Variants in TIE1 observed in about 807,000 individuals in gnomAD.
The protein encoded by TIE1 is tyrosine kinase with immunoglobulin like and EGF like domains 1.
In TIE1, 89 loss-of-function variants were observed where a neutral mutation model predicts 130.5. That is an observed-to-expected ratio of 0.68 (90% CI 0.57 to 0.81). The LOEUF (loss-of-function observed/expected upper bound fraction) is 0.81, where lower values mean the gene tolerates loss of function less well. Ranked by LOEUF, TIE1 falls within the 40% of genes least tolerant of loss-of-function variation. The pLI is 0.00. For synonymous variants in TIE1, 568 were observed against 629.4 expected (o/e 0.90, Z 1.46); for missense variants, 1,392 against 1,559.8 (o/e 0.89, Z 1.81).
chr1:43,305,595 A>G (rs562724712), intron 3 of TIE1, among the ~76,000 whole-genome samples: 2 of 152,174 alleles, frequency 1.3e-5, no homozygotes, highest in Non-Finnish European at 2.9e-5. Flanking sequence ...GCCCCAAATG[A>G]GCACGATGTT....
Position 43,319,250 on chromosome 1 carries a change from C to T in TIE1, c.2938C>T (p.Leu980=), listed in dbSNP as rs1475631410. 9 of 1,613,964 alleles carry T rather than the reference C, an allele frequency of 5.6e-6. No homozygotes were observed. Among genetic ancestry groups the T allele is most frequent in the Non-Finnish European group, 7.6e-6 (9 of 1,179,986 alleles). Residue 980 remains leucine (L), a synonymous_variant, in exon 18 of 23, where the codon CTG becomes TTG. Transcript: ENST00000372476. This position sits in a 1 kb window ranked among gnomAD's most constrained non-coding sequence, Gnocchi z 4.7. The part of the protein sequence containing the change: ...LSEKQFIHRD[L]AARNVLVGEN... ...CTGCCTACAGTTCATCCACAGGGAC[C>T]TGGCTGCCCGGAATGTGCTGGTCGG...
intron 14 of TIE1, chr1:43,314,414 T>C: frequency 1.8e-6 from 2 of 1,108,974 alleles, no homozygotes; most frequent in Non-Finnish European, 2.2e-6. Context: ...AGCCTCTGTC[T>C]GCACACATCT....
intron 19 of TIE1, 138 bp from the exon 20 acceptor site, chr1:43,321,131 C>T: frequency 3.4e-6 from 3 of 872,672 alleles, no homozygotes; most frequent in East Asian, 2.4e-5. Context: ...GCAGAGACAA[C>T]AGCTGGCCAA....
In TIE1 at chr1:43,307,447, G is replaced by C. The variant is rs755813901; in HGVS notation, c.788G>C (p.Arg263Pro). The C allele has an allele frequency of 6.2e-7, 1 of 1,614,134 alleles. No homozygotes were observed. The highest frequency in any genetic ancestry group is 1.7e-5 in the Admixed American group (1 of 60,030). ...CTCTTTCTAGCCTGCAGAGAGGGCC[G>C]TTTTGGGCAGAGCTGCCAGGAGCAG... ...TRCEQACREG[R>P]FGQSCQEQCP... The change falls in exon 6 of 23, where the codon CGT (arginine) becomes CCT (proline). Residue 263 changes from arginine to proline, a missense_variant. Transcript: ENST00000372476. This position sits in a 1 kb window ranked among gnomAD's most constrained non-coding sequence, Gnocchi z 5.4.
rs561721222 is a variant in TIE1, at chr1:43,304,937, G to T, written c.145G>T (p.Gly49Trp). 5.6e-5 allele frequency: 81 copies of T among 1,444,398 alleles called. No individual in the cohort carries two copies. In the South Asian group the frequency reaches 1.1e-3, roughly 20 times the overall value. The allele number at this position is 1,444,398 out of a possible 1,614,324, so 89.5% of individuals were successfully genotyped here. The stretch of plus-strand genomic sequence containing the variant: ...CCTGACTTGCGTGTCTGGGGAGGCC[G>T]GGGCGGGGAGGGGCTCGGACGCCTG... ...FFLTCVSGEA[G>W]AGRGSDAWGP... Residue 49 changes from glycine to tryptophan, a missense_variant, in exon 2 of 23, where the codon GGG becomes TGG. Physicochemically the swap from Gly to Trp is radical, Grantham distance 184. Coordinates refer to ENST00000372476, the MANE Select transcript of TIE1 (RefSeq NM_005424.5).
In TIE1 at chr1:43,319,243, C is replaced by T; in HGVS notation, c.2931C>T (p.His977=). ...TCTGACCCTGCCTACAGTTCATCCA[C>T]AGGGACCTGGCTGCCCGGAATGTGC... ...MQYLSEKQFI[H]RDLAARNVLV... The change falls in exon 18 of 23, where the codon CAC becomes CAT. Residue 977 remains histidine, a synonymous_variant. Coordinates refer to ENST00000372476, the MANE Select transcript of TIE1 (RefSeq NM_005424.5). This position sits in a 1 kb window ranked among gnomAD's most constrained non-coding sequence, Gnocchi z 4.7. 3 of 1,614,018 alleles carry T rather than the reference C, an allele frequency of 1.9e-6. No homozygotes were observed. Among genetic ancestry groups the T allele is most frequent in the Non-Finnish European group, 2.5e-6 (3 of 1,179,916 alleles).
Position 43,318,034 on chromosome 1 carries a change from G to T in TIE1, c.2884G>T (p.Asp962Tyr), listed in dbSNP as rs1374542404. The change falls in exon 17 of 23, where the codon GAT becomes TAT. Residue 962 changes from aspartate (D) to tyrosine (Y), a missense_variant. Physicochemically the swap from Asp to Tyr is radical, Grantham distance 160 (BLOSUM62 -3). Coordinates refer to ENST00000372476, the MANE Select transcript of TIE1 (RefSeq NM_005424.5). The surrounding 1 kb of genome is among the most constrained non-coding windows in gnomAD (Gnocchi z 4.4). ...SSRQLLRFAS[D>Y]AANGMQYLSE... is the part of the protein sequence containing the mutation. ...CCGGCAGCTGCTGCGTTTCGCCAGT[G>T]ATGCGGCCAATGGCATGCAGTACCT... is the stretch of plus-strand genomic sequence containing the variant. 3.2e-6 allele frequency: 5 copies of T among 1,581,812 alleles called. No individual in the cohort carries two copies. Among genetic ancestry groups the T allele is most frequent in the Non-Finnish European group, 4.3e-6 (5 of 1,163,600 alleles).
rs751174331 is a variant in TIE1 at position 43,309,380 on chromosome 1, T to C, written c.1189-8T>C. 5.2e-5 allele frequency: 82 copies of C among 1,575,564 alleles called. 1 individual carries two copies. In the South Asian group the frequency reaches 9.6e-4, roughly 18 times the overall value. ...CTGTGACCTGTCCCCTTCCCCCATC[T>C]CTTTTAGTCCACCAAGGCCATTGTG... On this transcript the variant is annotated splice_polypyrimidine_tract_variant and splice_region_variant and intron_variant, in intron 8 of 22. Transcript: ENST00000372476. This position sits in a 1 kb window ranked among gnomAD's most constrained non-coding sequence, Gnocchi z 6.3.
chr1:43,308,401 G>T (rs929392602), intron 7 of TIE1, among the ~76,000 whole-genome samples: 14 of 147,818 alleles, frequency 9.5e-5, no homozygotes, highest in Non-Finnish European at 4.4e-5. Flanking sequence ...GTGGAGTAGG[G>T]GACCCAGGGA....
At chr1:43,303,217 G>C (rs1449977053) in intron 1 of TIE1, among the ~76,000 whole-genome samples, 1 of 152,120 alleles carries the variant, frequency 6.6e-6, no homozygotes, top group Non-Finnish European at 1.5e-5. Flanking sequence ...CAGTGAGTCA[G>C]GGAGCACTGG....
At chr1:43,303,490 T>G (rs1490749897) in intron 1 of TIE1, among the ~76,000 whole-genome samples, 4 of 152,172 alleles carry the variant, frequency 2.6e-5, no homozygotes, top group Admixed American at 2.0e-4. Flanking sequence ...TGGTAGCCTT[T>G]CAAACACTGA....
Position 43,312,011 on chromosome 1 carries a change from G to A in TIE1, c.1510G>A (p.Val504Met), listed in dbSNP as rs147006104. ...STIVVDPSENVTLMNLRPKTG... is the reference protein window; with the variant it reads ...STIVVDPSENMTLMNLRPKTG... ...ACGCCCAGTGGACCCCAGTGAGAACGTGACGTTAATGAACCTGAGGCCAAA... is the reference window on the plus strand; with the variant it reads ...ACGCCCAGTGGACCCCAGTGAGAACATGACGTTAATGAACCTGAGGCCAAA... Residue 504 changes from valine (V) to methionine (M), a missense_variant, in exon 11 of 23, where the codon GTG becomes ATG. Physicochemically the swap from Val to Met is conservative, Grantham distance 21. Around this residue, in one of 6 missense-constraint regions of TIE1, gnomAD observed 551 missense variants for 565.5 expected, o/e 0.97. Transcript: ENST00000372476. The surrounding 1 kb of genome is among the most constrained non-coding windows in gnomAD (Gnocchi z 5.6). The A allele has an allele frequency of 4.1e-5, 66 of 1,597,248 alleles. No individual in the cohort carries two copies. Among genetic ancestry groups the A allele is most frequent in the Middle Eastern group, 1.7e-4 (1 of 6,016 alleles).
chr1:43,321,006 C>G, intron 19 of TIE1: 1 of 525,340 alleles, frequency 1.9e-6, no homozygotes, highest in Admixed American at 3.4e-5. Flanking sequence ...GCACTCCAGC[C>G]TGGGTGACAG....
intron 9 of TIE1, among the ~76,000 whole-genome samples, chr1:43,310,428 T>G (rs1389763911): frequency 1.3e-5 from 2 of 152,186 alleles, no homozygotes; most frequent in Non-Finnish European, 2.9e-5. Context: ...CTTGATGGGG[T>G]TGTTACAAAG....
Position 43,318,219 on chromosome 1 carries a change from G to C in TIE1, c.2922+147G>C, listed in dbSNP as rs2153912813. 21 of 1,025,376 alleles carry C rather than the reference G, an allele frequency of 2.0e-5. 1 individual carries two copies. The South Asian group carries it at 3.7e-4, about 18-fold the overall frequency. The allele number at this position is 1,025,376 out of a possible 1,614,324, so 63.5% of individuals were successfully genotyped here. A position where few individuals can be genotyped will look rare whatever the true frequency, so the allele number is the denominator to read the frequency against. ...TGGGTGCAAGCACAGCGAGGAGGCA[G>C]GGCCAAGGGGCAGGTCTGGAGGAGG... On this transcript the variant is annotated intron_variant, in intron 17 of 22. Coordinates refer to ENST00000372476, the MANE Select transcript of TIE1 (RefSeq NM_005424.5). This position sits in a 1 kb window ranked among gnomAD's most constrained non-coding sequence, Gnocchi z 4.4.
rs1270139820 is a variant in TIE1, at chr1:43,317,809, T to TA, written c.2732-72dup. ...TTGATCCTCCTTCATCCCTGTCTGT[T>TA]ACCATCGGGTGCCTGCTCCCACCCT... On this transcript the variant is annotated intron_variant, in intron 16 of 22. Transcript: ENST00000372476. The surrounding 1 kb of genome is among the most constrained non-coding windows in gnomAD (Gnocchi z 5.1). 6 of 1,549,428 alleles carry TA rather than the reference T, an allele frequency of 3.9e-6. No individual in the cohort carries two copies. In the African/African-American group the frequency reaches 8.1e-5, roughly 21 times the overall value.
Position 43,317,127 on chromosome 1 carries a change from C to T in TIE1, c.2410-72C>T. The T allele has an allele frequency of 2.7e-6, 4 of 1,504,376 alleles. No homozygotes were observed. Among genetic ancestry groups the T allele is most frequent in the Non-Finnish European group, 2.8e-6 (3 of 1,083,936 alleles). 93.2% of individuals were successfully genotyped at this position (1,504,376 alleles called of 1,614,324 possible). On this transcript the variant is annotated intron_variant, in intron 14 of 22. Transcript: ENST00000372476. This position sits in a 1 kb window ranked among gnomAD's most constrained non-coding sequence, Gnocchi z 5.1. ...TCTGACACTGAAACCTCCTCGTGTG[C>T]CTGTCTGTGCCTCCTTCCGCCCCCT...
In TIE1 at chr1:43,316,955, C is replaced by T. The variant is rs997609398; in HGVS notation, c.2410-244C>T. Among the ~76,000 whole-genome samples, 2 of 152,146 alleles carry T rather than the reference C, an allele frequency of 1.3e-5. No homozygotes were observed. Among genetic ancestry groups the T allele is most frequent in the African/African-American group, 4.8e-5 (2 of 41,434 alleles). Reference sequence around the variant, plus strand: ...ACACTAGATCCCCTGGCTGCAGCCTCTGCATTTCTCTCCTTGGACATCTGT... The same window carrying T: ...ACACTAGATCCCCTGGCTGCAGCCTTTGCATTTCTCTCCTTGGACATCTGT... On this transcript the variant is annotated intron_variant, in intron 14 of 22. Coordinates refer to ENST00000372476, the MANE Select transcript of TIE1 (RefSeq NM_005424.5). This position sits in a 1 kb window ranked among gnomAD's most constrained non-coding sequence, Gnocchi z 4.4.
intron 1 of TIE1, 142 bp from the exon 2 acceptor site, chr1:43,304,709 C>A: frequency 1.2e-6 from 1 of 851,360 alleles, no homozygotes; most frequent in Non-Finnish European, 1.6e-6. Context: ...AAGAACCGGG[C>A]AGGGGAAGGA....
Sources: gnomAD v4.1 joint callset for allele counts (sites outside exome capture counted in the v4.1 genomes callset) on GRCh38, gnomAD v4.1.1 for gene constraint, gnomAD v4.1.1 regional missense constraint, Gnocchi (gnomAD v3.1) non-coding constraint, MANE v1.5 for transcripts, NCBI Gene and HGNC (gene_info 2026-07-23, HGNC 2026-07-21) for gene names.